Variants in LRP1B observed in about 807,000 individuals in gnomAD.
The protein encoded by LRP1B is low-density lipoprotein receptor-related protein 1B.
LRP1B carries 217 observed loss-of-function variants against 556.6 expected under a neutral mutation model. The ratio of observed to expected loss-of-function variants is 0.39; its 90% CI spans 0.35 to 0.44. LRP1B has a LOEUF of 0.44. LRP1B is among the 20% of genes least tolerant of loss of function. LRP1B has a pLI of 1.00. For synonymous variants in LRP1B, 2,047 were observed against 1,865.8 expected (o/e 1.10, Z -2.50); for missense variants, 5,053 against 5,620.8 (o/e 0.90, Z 3.23).
At chr2:141,041,896 A>T (rs915696402) in intron 11 of LRP1B, among the ~76,000 whole-genome samples, 6 of 152,040 alleles carry the variant, frequency 3.9e-5, no homozygotes, top group African/African-American at 1.4e-4. Flanking sequence ...TTTTTTAAAA[A>T]GTAGCATCTT....
intron 84 of LRP1B, among the ~76,000 whole-genome samples, chr2:140,297,257 G>A (rs550302042): frequency 6.6e-6 from 1 of 152,226 alleles, no homozygotes; most frequent in South Asian, 2.1e-4. Context: ...GAAATATAAA[G>A]CAAGTTTCTC....
intron 3 of LRP1B, among the ~76,000 whole-genome samples, chr2:141,407,260 A>G (rs1006066542): frequency 1.3e-5 from 2 of 152,188 alleles, no homozygotes; most frequent in Admixed American, 6.5e-5. Flanking sequence ...TCAATAAAAT[A>G]ATAGAAATGT....
chr2:140,427,158 G>T (rs1280172359), intron 66 of LRP1B, among the ~76,000 whole-genome samples: 1 of 152,158 alleles, frequency 6.6e-6, no homozygotes, highest in Non-Finnish European at 1.5e-5. Context: ...CCTTCCCTTG[G>T]TGTTTAATCA....
At chr2:141,690,928 C>A (rs1336952115) in intron 2 of LRP1B, among the ~76,000 whole-genome samples, 1 of 151,602 alleles carries the variant, frequency 6.6e-6, no homozygotes, top group Non-Finnish European at 1.5e-5. Flanking sequence ...AGCATCAGGA[C>A]CACATGAGAC....
chr2:141,397,453 T>TG (rs1202219211), intron 3 of LRP1B, among the ~76,000 whole-genome samples: 12 of 151,538 alleles, frequency 7.9e-5, no homozygotes, highest in East Asian at 3.9e-4. Context: ...TAGTAGGATA[T>TG]GAAAAAAAAA....
At chr2:141,692,157 A>G (rs750868649) in intron 2 of LRP1B, among the ~76,000 whole-genome samples, 3 of 152,012 alleles carry the variant, frequency 2.0e-5, no homozygotes, top group Non-Finnish European at 4.4e-5. Context: ...TGATTTTTCT[A>G]CAGAGTAACT....
chr2:140,946,191 T>C (rs1163932071), intron 20 of LRP1B, among the ~76,000 whole-genome samples: 1 of 151,940 alleles, frequency 6.6e-6, no homozygotes, highest in African/African-American at 2.4e-5. Context: ...TATTAAAAAG[T>C]CAAAAAATAA....
intron 84 of LRP1B, among the ~76,000 whole-genome samples, chr2:140,279,349 T>G (rs968300548): frequency 2.6e-5 from 4 of 151,998 alleles, no homozygotes; most frequent in African/African-American, 9.7e-5. Flanking sequence ...CTGATGGTGT[T>G]GTCTATTTCT....
chr2:141,849,443 T>C (rs748722579), intron 1 of LRP1B, among the ~76,000 whole-genome samples: 1 of 151,828 alleles, frequency 6.6e-6, no homozygotes, highest in Middle Eastern at 3.4e-3. Context: ...GCCAAAGAAA[T>C]ACATTATGCC....
At chr2:141,285,910 C>G (rs1685700090) in intron 3 of LRP1B, among the ~76,000 whole-genome samples, 1 of 148,638 alleles carries the variant, frequency 6.7e-6, no homozygotes, top group African/African-American at 2.5e-5. Context: ...ACTAAAAATA[C>G]AAAAAAATTA....
chr2:141,046,766 A>C (rs1465139200), intron 11 of LRP1B, among the ~76,000 whole-genome samples: 1 of 152,098 alleles, frequency 6.6e-6, no homozygotes, highest in African/African-American at 2.4e-5. Flanking sequence ...AGAACTCTCT[A>C]TGTTGCATTT....
chr2:141,211,988 G>A (rs1450420586), intron 6 of LRP1B, among the ~76,000 whole-genome samples: 3 of 151,986 alleles, frequency 2.0e-5, no homozygotes, highest in African/African-American at 7.2e-5. Context: ...CCACTTTTAT[G>A]TTTCTATATA....
intron 15 of LRP1B, among the ~76,000 whole-genome samples, chr2:141,005,101 A>AT (rs1185672188): frequency 4.6e-5 from 7 of 151,932 alleles, no homozygotes; most frequent in Non-Finnish European, 2.9e-5. Context: ...TACTTATTTA[A>AT]TTTTTTTACT....
At chr2:141,459,716 C>T (rs1387412622) in intron 3 of LRP1B, among the ~76,000 whole-genome samples, 1 of 152,024 alleles carries the variant, frequency 6.6e-6, no homozygotes, top group African/African-American at 2.4e-5. Flanking sequence ...CTGTTTTTTG[C>T]CACCATGTGA....
At chr2:140,485,590 C>T (rs2105363551) in intron 58 of LRP1B, 66 bp from the exon 59 acceptor site, 1 of 1,175,668 alleles carries the variant, frequency 8.5e-7, no homozygotes, top group South Asian at 1.6e-5. Context: ...GCAATTGCTT[C>T]TTGATTTTTA....
intron 60 of LRP1B, among the ~76,000 whole-genome samples, chr2:140,466,211 G>A (rs934488657): frequency 1.4e-5 from 2 of 148,094 alleles, no homozygotes; most frequent in African/African-American, 5.0e-5. Flanking sequence ...CGGAATATGT[G>A]AACACAAAAT....
intron 87 of LRP1B, among the ~76,000 whole-genome samples, chr2:140,245,339 C>T (rs1480761187): frequency 6.6e-6 from 1 of 151,360 alleles, no homozygotes; most frequent in Non-Finnish European, 1.5e-5. Flanking sequence ...AGCATTCCAG[C>T]TCCAAACCAT....
chr2:141,543,860 G>A (rs1411129315), intron 2 of LRP1B, among the ~76,000 whole-genome samples: 3 of 152,124 alleles, frequency 2.0e-5, no homozygotes, highest in Admixed American at 2.0e-4. Context: ...GAAGTCCATG[G>A]TGCAAGGTCT....
At chr2:142,063,761 A>G (rs1387916114) in intron 1 of LRP1B, among the ~76,000 whole-genome samples, 1 of 151,666 alleles carries the variant, frequency 6.6e-6, no homozygotes, top group African/African-American at 2.4e-5. Context: ...AATTAGAGAA[A>G]TACTGTTAAA....
Sources: allele counts gnomAD v4.1 joint callset (sites outside exome capture counted in the v4.1 genomes callset), GRCh38; gene constraint gnomAD v4.1.1; transcripts MANE v1.5; gene names NCBI Gene and HGNC (gene_info 2026-07-23, HGNC 2026-07-21).